TULP4: variants seen among roughly 807,000 people sequenced by gnomAD.
TULP4 encodes the protein tubby-related protein 4.
Under a neutral mutation model 129.0 loss-of-function variants are expected in TULP4, and 16 were observed. That is an observed-to-expected ratio of 0.12 (90% confidence interval 0.08 to 0.19). The LOEUF is 0.19. Ranked by LOEUF, TULP4 falls within the 10% of genes least tolerant of loss-of-function variation. TULP4 has a pLI of 1.00. For synonymous variants in TULP4, 998 were observed against 854.0 expected (o/e 1.17, Z -2.94); for missense variants, 1,842 against 2,059.1 (o/e 0.89, Z 2.04).
At chr6:158,363,770 C>G (rs1780854314) in intron 1 of TULP4, among the ~76,000 whole-genome samples, 1 of 152,180 alleles carries the variant, frequency 6.6e-6, no homozygotes, top group Admixed American at 6.5e-5. Context: ...CAGGCGTGAG[C>G]CACCGCGCAA....
intron 1 of TULP4, among the ~76,000 whole-genome samples, chr6:158,350,195 T>C (rs550798098): frequency 6.7e-6 from 1 of 149,720 alleles, no homozygotes; most frequent in African/African-American, 2.5e-5. Flanking sequence ...CTCTCCTCAC[T>C]TCCTAGACAG....
intron 8 of TULP4, among the ~76,000 whole-genome samples, chr6:158,484,175 C>T (rs1780013200): frequency 6.6e-6 from 1 of 151,532 alleles, no homozygotes; most frequent in South Asian, 2.1e-4. Flanking sequence ...TCCTCCAGCA[C>T]TGGCCTCCCA....
intron 1 of TULP4, among the ~76,000 whole-genome samples, chr6:158,379,587 T>A (rs1777277485): frequency 6.6e-6 from 1 of 152,190 alleles, no homozygotes; most frequent in African/African-American, 2.4e-5. Flanking sequence ...GGTTGATCTT[T>A]CAGTGTTTCA....
intron 1 of TULP4, among the ~76,000 whole-genome samples, chr6:158,264,729 G>A (rs1371466325): frequency 6.6e-6 from 1 of 152,130 alleles, no homozygotes; most frequent in Non-Finnish European, 1.5e-5. Context: ...ATGAACATTG[G>A]GAGCACCGCA....
intron 6 of TULP4, among the ~76,000 whole-genome samples, chr6:158,467,967 C>T (rs565219210): frequency 6.6e-6 from 1 of 152,350 alleles, no homozygotes; most frequent in South Asian, 2.1e-4. Flanking sequence ...CTCCAGGGGG[C>T]ACCAGCTGCA....
At chr6:158,368,112 T>G (rs1052064830) in intron 1 of TULP4, among the ~76,000 whole-genome samples, 1 of 147,500 alleles carries the variant, frequency 6.8e-6, no homozygotes, top group Non-Finnish European at 1.5e-5. Context: ...TCTGACAGAT[T>G]GAGTTGTACG....
At chr6:158,354,051 TCAC>T (rs1780585792) in intron 1 of TULP4, among the ~76,000 whole-genome samples, 1 of 152,236 alleles carries the variant, frequency 6.6e-6, no homozygotes, top group Non-Finnish European at 1.5e-5. Context: ...GCATGTGTCC[TCAC>T]CTGAAGGCCC....
At chr6:158,365,607 G>C (rs1333897781) in intron 1 of TULP4, among the ~76,000 whole-genome samples, 2 of 151,334 alleles carry the variant, frequency 1.3e-5, no homozygotes, top group Non-Finnish European at 2.9e-5. Context: ...CTCCTGAGTA[G>C]CTGGGACTAC....
intron 1 of TULP4, among the ~76,000 whole-genome samples, chr6:158,365,566 T>TGC (rs1299364660): frequency 6.6e-6 from 1 of 151,500 alleles, no homozygotes; most frequent in Non-Finnish European, 1.5e-5. Flanking sequence ...AAGCTCCGCC[T>TGC]CGCAGGTTCA....
At chr6:158,403,963 CT>C (rs1177584896) in intron 1 of TULP4, among the ~76,000 whole-genome samples, 4 of 152,190 alleles carry the variant, frequency 2.6e-5, no homozygotes, top group Non-Finnish European at 5.9e-5. Flanking sequence ...CCTAACCTCC[CT>C]AAGTCTCAGT....
intron 2 of TULP4, among the ~76,000 whole-genome samples, chr6:158,418,095 GTGTGTT>G (rs1459596252): frequency 4.8e-5 from 7 of 145,494 alleles, no homozygotes; most frequent in Non-Finnish European, 6.0e-5. Flanking sequence ...TTTTGTGTGT[GTGTGTT>G]TTTTTTTTTT....
chr6:158,460,028 G>C (rs1182043260), intron 5 of TULP4, among the ~76,000 whole-genome samples: 1 of 152,164 alleles, frequency 6.6e-6, no homozygotes, highest in Non-Finnish European at 1.5e-5. Flanking sequence ...TTCATTTCCT[G>C]ATTGTGGCAG....
chr6:158,444,792 T>G (rs950134249), intron 3 of TULP4, among the ~76,000 whole-genome samples: 2 of 152,164 alleles, frequency 1.3e-5, no homozygotes, highest in African/African-American at 4.8e-5. Context: ...AGATTATATG[T>G]GGATATCATT....
chr6:158,386,222 C>T (rs1440067313), intron 1 of TULP4, among the ~76,000 whole-genome samples: 2 of 151,924 alleles, frequency 1.3e-5, no homozygotes, highest in Non-Finnish European at 2.9e-5. Flanking sequence ...TTATTTAAAC[C>T]TATTCATAAC....
intron 1 of TULP4, among the ~76,000 whole-genome samples, chr6:158,354,419 TTA>T (rs749026468): frequency 1.1e-4 from 16 of 152,222 alleles, no homozygotes; most frequent in Non-Finnish European, 1.8e-4. Context: ...GCATTTTCCA[TTA>T]TGTTACCACA....
At chr6:158,325,845 T>TTGG (rs1779733944) in intron 1 of TULP4, among the ~76,000 whole-genome samples, 1 of 152,176 alleles carries the variant, frequency 6.6e-6, no homozygotes. Context: ...GTTATACATA[T>TTGG]TGGTAAATGC....
chr6:158,482,567 A>T (rs1212977464), intron 8 of TULP4, among the ~76,000 whole-genome samples: 3 of 152,148 alleles, frequency 2.0e-5, no homozygotes, highest in Non-Finnish European at 2.9e-5. Context: ...AAAGCAGGAG[A>T]GAGAGAAGCG....
Position 158,427,534 on chromosome 6 carries a change from G to A in TULP4, c.382-2202G>A, listed in dbSNP as rs182279964. The stretch of plus-strand genomic sequence containing the variant: ...TTTTGAGACGGAGTCTCGCTCTGTC[G>A]CCAGGCTGGAGTGCAGTGGCATGAT... On this transcript the variant is annotated intron_variant, in intron 2 of 13. Transcript: ENST00000367097. Among the ~76,000 whole-genome samples, 1,100 of 117,728 alleles carry A rather than the reference G, an allele frequency of 9.3e-3. 11 individuals carry two copies. The highest frequency in any genetic ancestry group is 0.013 in the Non-Finnish European group (806 of 61,882). 77.2% of individuals were successfully genotyped at this position (117,728 alleles called of 152,430 possible).
chr6:158,245,073 G>A (rs1778001909), intron 1 of TULP4, among the ~76,000 whole-genome samples: 1 of 151,854 alleles, frequency 6.6e-6, no homozygotes, highest in Non-Finnish European at 1.5e-5. Context: ...ACTGCAGCCT[G>A]GCCTCCCAGG....
Sources: gnomAD v4.1 joint callset for allele counts (sites outside exome capture counted in the v4.1 genomes callset) on GRCh38, gnomAD v4.1.1 for gene constraint, MANE v1.5 for transcripts, NCBI Gene and HGNC (gene_info 2026-07-23, HGNC 2026-07-21) for gene names.